Variants in KCNT2 observed in about 807,000 individuals in gnomAD.
The protein encoded by KCNT2 is potassium sodium-activated channel subfamily T member 2, also known as potassium channel subfamily T member 2.
KCNT2 carries 67 observed loss-of-function variants against 153.8 expected under a neutral mutation model. The ratio of observed to expected loss-of-function variants is 0.44; its 90% CI spans 0.36 to 0.53. KCNT2 has a LOEUF of 0.53. KCNT2 is among the 20% of genes least tolerant of loss of function. The pLI, the probability that KCNT2 is intolerant of heterozygous loss-of-function variation, is 0.00. For missense variants in KCNT2, 975 were observed against 1,354.8 expected (o/e 0.72, Z 4.40); for synonymous variants, 500 against 458.8 (o/e 1.09, Z -1.15).
chr1:196,340,844 G>A (rs948963856), intron 15 of KCNT2, among the ~76,000 whole-genome samples: 9 of 151,672 alleles, frequency 5.9e-5, no homozygotes, highest in African/African-American at 1.5e-4. Context: ...ATTATTTTGC[G>A]AATTTTTACA....
intron 7 of KCNT2, among the ~76,000 whole-genome samples, chr1:196,467,441 A>T (rs1344862720): frequency 6.6e-6 from 1 of 152,118 alleles, no homozygotes; most frequent in Non-Finnish European, 1.5e-5. Context: ...GTATTTTACC[A>T]CAATGACTCA....
chr1:196,279,120 A>C (rs554876980), intron 25 of KCNT2, among the ~76,000 whole-genome samples: 2 of 152,186 alleles, frequency 1.3e-5, no homozygotes, highest in Admixed American at 6.5e-5. Context: ...CACCCAGTCC[A>C]TGGTATTTTG....
intron 1 of KCNT2, among the ~76,000 whole-genome samples, chr1:196,535,695 C>A (rs573231370): frequency 6.6e-6 from 1 of 152,154 alleles, no homozygotes; most frequent in African/African-American, 2.4e-5. Flanking sequence ...GAATCATAGA[C>A]AGTTTCATCA....
At chr1:196,372,264 C>T (rs1473952253) in intron 14 of KCNT2, among the ~76,000 whole-genome samples, 1 of 151,814 alleles carries the variant, frequency 6.6e-6, no homozygotes, top group African/African-American at 2.4e-5. Flanking sequence ...ACAACTTATC[C>T]ATCTATAAAT....
chr1:196,335,689 AC>A (rs1664955961), intron 16 of KCNT2, among the ~76,000 whole-genome samples: 1 of 152,126 alleles, frequency 6.6e-6, no homozygotes, highest in East Asian at 1.9e-4. Flanking sequence ...AGAAATTTTT[AC>A]CTTATCTCAG....
chr1:196,598,930 CCTTAT>C (rs1490777025), intron 1 of KCNT2, among the ~76,000 whole-genome samples: 6 of 152,166 alleles, frequency 3.9e-5, no homozygotes, highest in African/African-American at 1.4e-4. Flanking sequence ...TACATTTTCA[CCTTAT>C]CTTCTGCATT....
At chr1:196,466,494 T>G (rs1262323417) in intron 7 of KCNT2, among the ~76,000 whole-genome samples, 1 of 152,064 alleles carries the variant, frequency 6.6e-6, no homozygotes, top group African/African-American at 2.4e-5. Context: ...CATAATGTCA[T>G]TTTAAAACCC....
intron 1 of KCNT2, among the ~76,000 whole-genome samples, chr1:196,568,389 C>G (rs570260305): frequency 1.3e-5 from 2 of 151,946 alleles, no homozygotes; most frequent in Admixed American, 6.6e-5. Flanking sequence ...ATAAGGAGAT[C>G]GAGCCCATCC....
At chr1:196,568,408 A>G (rs1229414427) in intron 1 of KCNT2, among the ~76,000 whole-genome samples, 7 of 151,954 alleles carry the variant, frequency 4.6e-5, no homozygotes, top group African/African-American at 7.2e-5. Flanking sequence ...CCTGGCTAAC[A>G]CGGTGAAACC....
chr1:196,317,996 AT>A (rs913251512), intron 20 of KCNT2, among the ~76,000 whole-genome samples: 229 of 145,480 alleles, frequency 1.6e-3, no homozygotes, highest in South Asian at 5.6e-3. Context: ...TACTGCATTT[AT>A]TTTTTTTTTT....
intron 1 of KCNT2, among the ~76,000 whole-genome samples, chr1:196,522,878 G>A (rs1170482941): frequency 1.3e-5 from 2 of 152,272 alleles, no homozygotes; most frequent in Admixed American, 1.3e-4. Context: ...TCTGTAAAAT[G>A]GACCAATCAG....
At position 196,570,067 on chromosome 1, in the gene KCNT2, T is replaced by TAAAAAAAAAAAAAAAAAA. The variant is rs199836975; in HGVS notation, c.95+38130_95+38147dup. Among the ~76,000 whole-genome samples, 28 of 133,726 alleles carry TAAAAAAAAAAAAAAAAAA rather than the reference T, an allele frequency of 2.1e-4. 1 individual carries two copies. Among genetic ancestry groups the TAAAAAAAAAAAAAAAAAA allele is most frequent in the African/African-American group, 8.7e-4 (24 of 27,544 alleles). The allele number at this position is 133,726 out of a possible 152,430, so 87.7% of individuals were successfully genotyped here. A position where few individuals can be genotyped will look rare whatever the true frequency, so the allele number is the denominator to read the frequency against. ...TGAGTCCAGGAAGCTTGAGCTAGAGTAAAAAAAAAAAAAAAAAAAAAAAAA... is the reference window on the plus strand; with the variant it reads ...TGAGTCCAGGAAGCTTGAGCTAGAGTAAAAAAAAAAAAAAAAAAAAAAAAAAAAAAAAAAAAAAAAAAA... On this transcript the variant is annotated intron_variant, in intron 1 of 27. Transcript: ENST00000294725.
chr1:196,424,050 C>G (rs1054497301), intron 11 of KCNT2, among the ~76,000 whole-genome samples: 1 of 151,838 alleles, frequency 6.6e-6, no homozygotes, highest in Admixed American at 6.6e-5. Context: ...CTGCGTCACT[C>G]TAACTTGTTT....
chr1:196,379,659 A>C (rs1669309930), intron 13 of KCNT2, among the ~76,000 whole-genome samples: 1 of 151,050 alleles, frequency 6.6e-6, no homozygotes, highest in Admixed American at 6.6e-5. Context: ...CATGCATCTT[A>C]TCTTGTATTT....
At chr1:196,283,033 C>T (rs1182008759) in intron 23 of KCNT2, among the ~76,000 whole-genome samples, 1 of 152,148 alleles carries the variant, frequency 6.6e-6, no homozygotes, top group Non-Finnish European at 1.5e-5. Flanking sequence ...TTAGTAAAGA[C>T]AGGGTTTCCC....
At chr1:196,455,759 G>T (rs1352902446) in intron 8 of KCNT2, among the ~76,000 whole-genome samples, 1 of 151,900 alleles carries the variant, frequency 6.6e-6, no homozygotes, top group Non-Finnish European at 1.5e-5. Flanking sequence ...TGAGCAAGTG[G>T]TGGCAATTCT....
At chr1:196,331,517 C>T (rs1010417134) in intron 17 of KCNT2, among the ~76,000 whole-genome samples, 1 of 151,996 alleles carries the variant, frequency 6.6e-6, no homozygotes, top group Non-Finnish European at 1.5e-5. Context: ...TATTTCATGT[C>T]ATGCGAAAAT....
In KCNT2 at chr1:196,228,335, T is replaced by G; in HGVS notation, c.3297A>C (p.Val1099=). ...PDTRIELNDV[V]YLIRPDPLAY... is the part of the protein sequence containing the mutation. ...CCAGTGGATCTGGTCGAATTAAGTATCTAATAAAAGAAAACAAAATAAATA... is the reference window on the plus strand; with the variant it reads ...CCAGTGGATCTGGTCGAATTAAGTAGCTAATAAAAGAAAACAAAATAAATA... Residue 1099 remains valine (V), a splice_region_variant and synonymous_variant, in exon 28 of 28, where the codon GTA becomes GTC. Coordinates refer to ENST00000294725, the MANE Select transcript of KCNT2 (RefSeq NM_198503.5). The G allele has an allele frequency of 2.6e-6, 4 of 1,557,914 alleles. No individual in the cohort carries two copies. The highest frequency in any genetic ancestry group is 3.5e-6 in the Non-Finnish European group (4 of 1,133,726).
At chr1:196,285,210 A>G (rs920215714) in intron 23 of KCNT2, among the ~76,000 whole-genome samples, 4 of 152,216 alleles carry the variant, frequency 2.6e-5, no homozygotes, top group African/African-American at 9.6e-5. Context: ...GGCAATAATC[A>G]GCAGATTCTT....
Sources: gnomAD v4.1 joint callset for allele counts (sites outside exome capture counted in the v4.1 genomes callset) on GRCh38, gnomAD v4.1.1 for gene constraint, MANE v1.5 for transcripts, NCBI Gene and HGNC (gene_info 2026-07-23, HGNC 2026-07-21) for gene names.